Variants in PALM2AKAP2 observed in about 807,000 individuals in gnomAD.
PALM2AKAP2 encodes the protein PALM2-AKAP2 fusion protein.
In PALM2AKAP2, 37 loss-of-function variants were observed where a neutral mutation model predicts 71.5. That is an observed-to-expected ratio of 0.52 (90% CI 0.40 to 0.68). The LOEUF is 0.68. PALM2AKAP2 is among the 30% of genes least tolerant of loss of function. PALM2AKAP2 has a pLI of 0.00. For synonymous variants in PALM2AKAP2, 468 were observed against 478.8 expected (o/e 0.98, Z 0.29); for missense variants, 1,224 against 1,191.8 (o/e 1.03, Z -0.40).
At chr9:110,138,249 T>A (rs778457092) in exon 2 of PALM2AKAP2, 1 of 1,614,124 alleles carries the variant, frequency 6.2e-7, no homozygotes, top group Non-Finnish European at 8.5e-7. Context: ...CCGATTAACA[T>A]GGAGGAGACC....
At chr9:109,932,049 G>T (rs1221079381) in intron 6 of PALM2AKAP2, 21 bp downstream of exon 6, 1 of 1,606,748 alleles carries the variant, frequency 6.2e-7, no homozygotes, top group East Asian at 2.2e-5. Flanking sequence ...GGGACCTTTG[G>T]ACGCTAGGAT....
At chr9:110,129,841 T>C (rs1432581005) in intron 1 of PALM2AKAP2, among the ~76,000 whole-genome samples, 1 of 152,218 alleles carries the variant, frequency 6.6e-6, no homozygotes, top group African/African-American at 2.4e-5. Flanking sequence ...CTCATTCTAC[T>C]TACTGCATTT....
chr9:110,148,370 G>A (rs1836229121), intron 2 of PALM2AKAP2, among the ~76,000 whole-genome samples: 1 of 152,134 alleles, frequency 6.6e-6, no homozygotes, highest in South Asian at 2.1e-4. Flanking sequence ...TGTTTGCCAA[G>A]CAGTGGTATT....
At chr9:109,767,671 G>A (rs115151094) in intron 1 of PALM2AKAP2, among the ~76,000 whole-genome samples, 1 of 152,068 alleles carries the variant, frequency 6.6e-6, no homozygotes, top group African/African-American at 2.4e-5. Context: ...TGACTCCATC[G>A]CTGGCTTCAT....
chr9:110,019,385 C>A (rs1034585077), intron 7 of PALM2AKAP2, among the ~76,000 whole-genome samples: 10 of 152,218 alleles, frequency 6.6e-5, no homozygotes, highest in African/African-American at 2.4e-4. Context: ...ATTAGTTCAA[C>A]CCCTATGGAA....
At chr9:109,992,492 T>C (rs1832502675) in intron 6 of PALM2AKAP2, among the ~76,000 whole-genome samples, 1 of 152,202 alleles carries the variant, frequency 6.6e-6, no homozygotes, top group Non-Finnish European at 1.5e-5. Context: ...GGTGTGATCA[T>C]GACTCACTGC....
chr9:110,140,956 C>A (rs1836012513), intron 2 of PALM2AKAP2, among the ~76,000 whole-genome samples: 1 of 152,176 alleles, frequency 6.6e-6, no homozygotes, highest in African/African-American at 2.4e-5. Flanking sequence ...AAAGTTTCAA[C>A]AAATGAATAA....
At chr9:110,153,654 A>G (rs1836377515) in intron 2 of PALM2AKAP2, among the ~76,000 whole-genome samples, 2 of 152,244 alleles carry the variant, frequency 1.3e-5, no homozygotes, top group Admixed American at 6.5e-5. Context: ...ACCTCGTGCC[A>G]TGTACCACAG....
chr9:109,735,246 G>A (rs981914491), intron 1 of PALM2AKAP2, among the ~76,000 whole-genome samples: 4 of 150,154 alleles, frequency 2.7e-5, no homozygotes, highest in Non-Finnish European at 5.9e-5. Context: ...CTCAAGCTGG[G>A]CCTGCTCTCC....
exon 4 of PALM2AKAP2, chr9:110,171,838 C>T (rs887002356): frequency 9.2e-5 from 14 of 152,596 alleles, no homozygotes; most frequent in African/African-American, 3.1e-4. Flanking sequence ...TATAGGTGTT[C>T]ACTTTCCTCC....
At chr9:109,893,640 G>T (rs987320070) in intron 3 of PALM2AKAP2, among the ~76,000 whole-genome samples, 1 of 152,080 alleles carries the variant, frequency 6.6e-6, no homozygotes, top group South Asian at 2.1e-4. Context: ...TAGAGATGGG[G>T]TTTCACCGTG....
chr9:109,809,416 T>A (rs1827669943), intron 1 of PALM2AKAP2, among the ~76,000 whole-genome samples: 1 of 152,216 alleles, frequency 6.6e-6, no homozygotes. Context: ...GTCCACTAGA[T>A]TTTGGACTTG....
intron 1 of PALM2AKAP2, among the ~76,000 whole-genome samples, chr9:109,701,497 G>A (rs1472698746): frequency 6.6e-6 from 1 of 152,152 alleles, no homozygotes; most frequent in Admixed American, 6.5e-5. Context: ...ATGGGGAAAG[G>A]ATTACCTATT....
rs529697209 is a variant in PALM2AKAP2 at position 109,821,333 on chromosome 9, A to AAAC, written c.45+40821_45+40823dup. Among the ~76,000 whole-genome samples, 710 of 152,218 alleles carry AAAC rather than the reference A, an allele frequency of 4.7e-3. 4 individuals carry two copies. Among genetic ancestry groups the AAAC allele is most frequent in the South Asian group, 0.017 (81 of 4,816 alleles). ...GTACCCTAGAACTGAAATTATAATG[A>AAAC]AACAACAACAACAACAACAACAAAA... On this transcript the variant is annotated intron_variant, in intron 1 of 9. Transcript: ENST00000302798.
chr9:109,851,993 G>C (rs751735229), intron 1 of PALM2AKAP2, among the ~76,000 whole-genome samples: 2 of 152,038 alleles, frequency 1.3e-5, no homozygotes, highest in African/African-American at 2.4e-5. Context: ...CTGAAGTCAA[G>C]ACTTAATCCT....
intron 7 of PALM2AKAP2, among the ~76,000 whole-genome samples, chr9:110,026,560 G>A (rs1220764372): frequency 5.3e-5 from 8 of 151,982 alleles, no homozygotes; most frequent in East Asian, 1.9e-4. Context: ...AACCATCATC[G>A]TCATCCATCC....
intron 1 of PALM2AKAP2, among the ~76,000 whole-genome samples, chr9:110,103,725 A>C (rs1034260917): frequency 3.3e-5 from 5 of 152,064 alleles, no homozygotes; most frequent in African/African-American, 1.2e-4. Flanking sequence ...TCCTTTTTTG[A>C]ATCCATGTGG....
chr9:109,971,283 CTTTTTTTTTTTTTTTTT>C (rs11392589), intron 6 of PALM2AKAP2, among the ~76,000 whole-genome samples: 2 of 45,642 alleles, frequency 4.4e-5, no homozygotes, highest in Admixed American at 2.8e-4. Context: ...CTCTTAGTCC[CTTTTTTTTTTTTTTTTT>C]TTTTTTTTTT....
intron 6 of PALM2AKAP2, among the ~76,000 whole-genome samples, chr9:110,014,798 AAAAAAATGTATATAT>A (rs1832943033): frequency 5.2e-5 from 3 of 57,170 alleles, no homozygotes; most frequent in African/African-American, 2.0e-4. Context: ...AAAAAAAAAA[AAAAAAATGTATATAT>A]ATATATATAT....
Sources: allele counts gnomAD v4.1 joint callset (sites outside exome capture counted in the v4.1 genomes callset), GRCh38; gene constraint gnomAD v4.1.1; transcripts MANE v1.5; gene names NCBI Gene and HGNC (gene_info 2026-07-23, HGNC 2026-07-21).